Variants in CNTNAP2 observed in about 807,000 individuals in gnomAD.
CNTNAP2 encodes contactin-associated protein-like 2.
Under a neutral mutation model 155.2 loss-of-function variants are expected in CNTNAP2, and 98 were observed. The observed-to-expected ratio is 0.63, with a 90% CI of 0.54 to 0.75. The LOEUF (loss-of-function observed/expected upper bound fraction) is 0.75, where lower values mean the gene tolerates loss of function less well. CNTNAP2 is among the 30% of genes least tolerant of loss of function. The pLI, the probability that CNTNAP2 is intolerant of heterozygous loss-of-function variation, is 0.00. For missense variants in CNTNAP2, 1,727 were observed against 1,688.1 expected (o/e 1.02, Z -0.40); for synonymous variants, 651 against 631.2 (o/e 1.03, Z -0.47).
chr7:146,656,527 C>T (rs12540802), intron 1 of CNTNAP2, among the ~76,000 whole-genome samples: 28,174 of 152,064 alleles, frequency 0.19, 2,981 homozygotes, highest in East Asian at 0.43. Flanking sequence ...TGTAAGCATA[C>T]GGATGAGATT....
chr7:148,283,259 G>GAA (rs371469453), intron 21 of CNTNAP2, among the ~76,000 whole-genome samples: 9 of 39,144 alleles, frequency 2.3e-4, no homozygotes, highest in African/African-American at 1.0e-3. Context: ...AAAAAAAAAA[G>GAA]AAAGAAAGAA....
chr7:147,819,992 G>T (rs1431956733), intron 13 of CNTNAP2, among the ~76,000 whole-genome samples: 1 of 152,008 alleles, frequency 6.6e-6, no homozygotes, highest in Non-Finnish European at 1.5e-5. Context: ...TCTTTTTATA[G>T]ATCTATTTTT....
chr7:146,327,707 A>G (rs181489389), intron 1 of CNTNAP2, among the ~76,000 whole-genome samples: 117 of 152,348 alleles, frequency 7.7e-4, no homozygotes, highest in African/African-American at 2.6e-3. Context: ...GGATAAATTA[A>G]TGGCCCCTTA....
intron 4 of CNTNAP2, among the ~76,000 whole-genome samples, chr7:147,098,255 C>T (rs1354443665): frequency 6.6e-6 from 1 of 152,156 alleles, no homozygotes; most frequent in Middle Eastern, 3.2e-3. Flanking sequence ...CATGGGCCCT[C>T]AGCTTCCTCA....
rs563008619 is a variant in CNTNAP2 at position 147,894,798 on chromosome 7, G to C, written c.2099-8767G>C. The stretch of plus-strand genomic sequence containing the variant: ...CTGTTAAGTTACTCTGTGTAGCCCA[G>C]AAGTTCCGAAGAACACATTTTGAAA... On this transcript the variant is annotated intron_variant, in intron 13 of 23. Transcript: ENST00000361727. Among the ~76,000 whole-genome samples, 80 of 151,932 alleles carry C rather than the reference G, an allele frequency of 5.3e-4. No homozygotes were observed. In the South Asian group the frequency reaches 0.01, roughly 19 times the overall value.
intron 13 of CNTNAP2, among the ~76,000 whole-genome samples, chr7:147,676,380 T>G (rs1795869732): frequency 6.6e-6 from 1 of 152,014 alleles, no homozygotes; most frequent in Non-Finnish European, 1.5e-5. Context: ...AGTAATATAT[T>G]TATTTGCTAA....
intron 13 of CNTNAP2, among the ~76,000 whole-genome samples, chr7:147,745,422 C>A (rs1411883719): frequency 6.6e-6 from 1 of 152,284 alleles, no homozygotes; most frequent in East Asian, 1.9e-4. Context: ...TGATTAGACA[C>A]TATTTTGAAT....
intron 15 of CNTNAP2, among the ~76,000 whole-genome samples, chr7:148,085,800 G>A (rs774806826): frequency 9.9e-5 from 15 of 151,776 alleles, no homozygotes; most frequent in Non-Finnish European, 1.9e-4. Context: ...GCACACTTCA[G>A]CCTCGAACTC....
rs117576639 is a variant in CNTNAP2 at position 148,183,392 on chromosome 7, A to T, written c.3010+10914A>T. Among the ~76,000 whole-genome samples the T allele has an allele frequency of 4.7e-3, 709 of 152,306 alleles. 15 individuals carry two copies. The highest frequency in any genetic ancestry group is 0.041 in the Admixed American group (621 of 15,302). On this transcript the variant is annotated intron_variant, in intron 18 of 23. Transcript: ENST00000361727. ...TATATCATTAAAGCCTAAAGTCTAAAGACAAAAGTTTTAAAGCATCTCAAT... is the reference window on the plus strand; with the variant it reads ...TATATCATTAAAGCCTAAAGTCTAATGACAAAAGTTTTAAAGCATCTCAAT...
intron 17 of CNTNAP2, among the ~76,000 whole-genome samples, chr7:148,157,003 T>G (rs1364083301): frequency 6.6e-6 from 1 of 152,160 alleles, no homozygotes; most frequent in Non-Finnish European, 1.5e-5. Flanking sequence ...CTAAATCAAA[T>G]GGGAACGCTT....
chr7:146,705,405 G>C (rs1800945465), intron 1 of CNTNAP2, among the ~76,000 whole-genome samples: 1 of 152,026 alleles, frequency 6.6e-6, no homozygotes, highest in Non-Finnish European at 1.5e-5. Flanking sequence ...CTCGCATGGT[G>C]GGGAGGGCAA....
At chr7:147,589,498 T>C (rs1376757499) in intron 12 of CNTNAP2, among the ~76,000 whole-genome samples, 6 of 152,152 alleles carry the variant, frequency 3.9e-5, no homozygotes, top group African/African-American at 1.2e-4. Flanking sequence ...TACCTAGAAG[T>C]AACCAGCAAC....
intron 1 of CNTNAP2, among the ~76,000 whole-genome samples, chr7:146,430,592 T>G (rs868219366): frequency 2.0e-5 from 3 of 152,124 alleles, no homozygotes; most frequent in South Asian, 2.1e-4. Flanking sequence ...TCAGAACAAT[T>G]AATCAGCATG....
intron 1 of CNTNAP2, among the ~76,000 whole-genome samples, chr7:146,206,354 A>C (rs1198438290): frequency 6.6e-6 from 1 of 151,964 alleles, no homozygotes; most frequent in African/African-American, 2.4e-5. Flanking sequence ...TCAATTTCTG[A>C]AACGTATCAT....
intron 15 of CNTNAP2, among the ~76,000 whole-genome samples, chr7:148,109,969 A>G (rs1284525244): frequency 6.6e-6 from 1 of 152,140 alleles, no homozygotes. Flanking sequence ...TCAGACCCCC[A>G]TTAAACTTGT....
chr7:147,672,979 A>C (rs752007518), intron 13 of CNTNAP2: 1 of 152,222 alleles, frequency 6.6e-6, no homozygotes, highest in Admixed American at 6.5e-5. Flanking sequence ...ACCTGGCCAT[A>C]ATAATGAACA....
intron 1 of CNTNAP2, among the ~76,000 whole-genome samples, chr7:146,425,685 A>G (rs1453978229): frequency 1.3e-5 from 2 of 152,150 alleles, no homozygotes; most frequent in Non-Finnish European, 2.9e-5. Context: ...AACTACAAGT[A>G]TAATTATTGA....
chr7:146,972,722 C>T (rs1390865215), intron 3 of CNTNAP2, among the ~76,000 whole-genome samples: 1 of 152,144 alleles, frequency 6.6e-6, no homozygotes, highest in Non-Finnish European at 1.5e-5. Flanking sequence ...GGTAAATGTT[C>T]TGCAGCATTC....
At chr7:146,665,946 A>T (rs1413472855) in intron 1 of CNTNAP2, among the ~76,000 whole-genome samples, 1 of 151,978 alleles carries the variant, frequency 6.6e-6, no homozygotes, top group East Asian at 1.9e-4. Context: ...TCAGAATGGG[A>T]TAATTAGCAT....
Sources: gnomAD v4.1 joint callset for allele counts (sites outside exome capture counted in the v4.1 genomes callset) on GRCh38, gnomAD v4.1.1 for gene constraint, MANE v1.5 for transcripts, NCBI Gene and HGNC (gene_info 2026-07-23, HGNC 2026-07-21) for gene names.